The following PAX5 variants were observed in gnomAD, a reference collection of about 807,000 sequenced individuals.
PAX5 encodes the protein paired box protein Pax-5.
Under a neutral mutation model 43.7 loss-of-function variants are expected in PAX5, and 9 were observed. The observed-to-expected ratio is 0.21, with a 90% CI of 0.12 to 0.36. The LOEUF (loss-of-function observed/expected upper bound fraction) is 0.36. Ranked by LOEUF, PAX5 falls within the 10% of genes least tolerant of loss-of-function variation. The pLI is 1.00. For missense variants in PAX5, 383 were observed against 532.7 expected (o/e 0.72, Z 2.77); for synonymous variants, 228 against 214.3 (o/e 1.06, Z -0.56).
intron 5 of PAX5, among the ~76,000 whole-genome samples, chr9:36,999,814 TCTC>T (rs1837697174): frequency 6.6e-6 from 1 of 152,064 alleles, no homozygotes. Flanking sequence ...CTTTCTCTGC[TCTC>T]CTCCAACCTC....
chr9:36,925,378 G>C (rs902959294), intron 6 of PAX5, among the ~76,000 whole-genome samples: 8 of 152,142 alleles, frequency 5.3e-5, no homozygotes, highest in Non-Finnish European at 1.0e-4. Context: ...CAAGGCCAGG[G>C]GGACAGGCTT....
At chr9:37,033,910 G>T in intron 1 of PAX5, 76 bp downstream of exon 1, 2 of 1,372,080 alleles carry the variant, frequency 1.5e-6, no homozygotes, top group South Asian at 2.4e-5. Context: ...TCCTCCTCCA[G>T]GGTCACCCTG....
At chr9:36,849,035 C>T (rs1240316505) in intron 8 of PAX5, among the ~76,000 whole-genome samples, 2 of 152,200 alleles carry the variant, frequency 1.3e-5, no homozygotes, top group African/African-American at 4.8e-5. Context: ...TCTGGGAAGC[C>T]CCTCTCCCAC....
intron 5 of PAX5, among the ~76,000 whole-genome samples, chr9:36,969,585 C>T (rs1463344286): frequency 6.6e-6 from 1 of 152,252 alleles, no homozygotes; most frequent in South Asian, 2.1e-4. Context: ...CAGGCAGCCT[C>T]GCTGGACACG....
In PAX5 at chr9:36,833,342, C is replaced by G. The variant is rs996850109; in HGVS notation, c.*7218G>C. On this transcript the variant is annotated 3_prime_UTR_variant, in exon 10 of 10. Transcript: ENST00000358127. ...ATGGCAAATATTTACAAATAATTAT[C>G]TCACATAAAGGTTACATAAAATCAA... The G allele has an allele frequency of 8.6e-6, 2 of 232,818 alleles. No homozygotes were observed. Among genetic ancestry groups the G allele is most frequent in the Non-Finnish European group, 1.7e-5 (2 of 117,910 alleles). The allele number at this position is 232,818 out of a possible 1,614,324, so 14.4% of individuals were successfully genotyped here. A position where few individuals can be genotyped will look rare whatever the true frequency, so the allele number is the denominator to read the frequency against.
At chr9:36,993,716 G>T (rs1434114711) in intron 5 of PAX5, among the ~76,000 whole-genome samples, 2 of 152,142 alleles carry the variant, frequency 1.3e-5, no homozygotes, top group Non-Finnish European at 2.9e-5. Flanking sequence ...GGTGGAGAAA[G>T]CCAAGGCCAT....
At chr9:36,926,031 C>T (rs3780151) in intron 6 of PAX5, among the ~76,000 whole-genome samples, 81,286 of 152,088 alleles carry the variant, frequency 0.53, 21,835 homozygotes, top group East Asian at 0.74. Flanking sequence ...GCTGTACTAT[C>T]CCATTTAATC....
rs765500674 is a variant in PAX5, at chr9:36,838,099, A to T, written c.*2461T>A. 4.3e-5 allele frequency: 10 copies of T among 233,296 alleles called. No individual in the cohort carries two copies. The highest frequency in any genetic ancestry group is 3.9e-4 in the Admixed American group (7 of 17,790). 14.5% of individuals were successfully genotyped at this position (233,296 alleles called of 1,614,324 possible). On this transcript the variant is annotated 3_prime_UTR_variant, in exon 10 of 10. Coordinates refer to ENST00000358127, the MANE Select transcript of PAX5 (RefSeq NM_016734.3). The stretch of plus-strand genomic sequence containing the variant: ...AACATACCTTCTCCTACCTTACCTG[A>T]CAGGTGGAAGCTGCAGCCAGCTCAC...
At chr9:37,006,429 G>T (rs747001998) in intron 4 of PAX5, 44 bp downstream of exon 4, 23 of 1,350,644 alleles carry the variant, frequency 1.7e-5, no homozygotes, top group East Asian at 1.4e-4. Context: ...TAGAATATTT[G>T]GAGCCCATTA....
chr9:36,852,350 A>G (rs1248152964), intron 8 of PAX5, among the ~76,000 whole-genome samples: 1 of 152,200 alleles, frequency 6.6e-6, no homozygotes, highest in Non-Finnish European at 1.5e-5. Flanking sequence ...CATACTCAAC[A>G]TGCCCTTGTG....
chr9:36,886,071 TG>T (rs993985343), intron 7 of PAX5, among the ~76,000 whole-genome samples: 10 of 152,006 alleles, frequency 6.6e-5, no homozygotes, highest in African/African-American at 2.4e-4. Flanking sequence ...GAATATGTCC[TG>T]GCTAGCCTGC....
chr9:37,029,925 T>C (rs372847409), intron 1 of PAX5, among the ~76,000 whole-genome samples: 131 of 152,270 alleles, frequency 8.6e-4, no homozygotes, highest in African/African-American at 3.1e-3. Context: ...GCTGGAAACC[T>C]TTCTCAAAAG....
chr9:36,863,701 C>A (rs1824462680), intron 8 of PAX5, among the ~76,000 whole-genome samples: 1 of 151,672 alleles, frequency 6.6e-6, no homozygotes. Context: ...CAAGCCGATG[C>A]CTCCACTTCC....
chr9:36,876,247 C>T (rs566903086), intron 8 of PAX5, among the ~76,000 whole-genome samples: 6 of 152,338 alleles, frequency 3.9e-5, no homozygotes, highest in African/African-American at 1.2e-4. Flanking sequence ...ACTGCACCCT[C>T]ACCTCCTACT....
intron 1 of PAX5, 73 bp downstream of exon 1, chr9:37,033,913 T>C: frequency 4.2e-6 from 6 of 1,427,522 alleles, no homozygotes; most frequent in Non-Finnish European, 4.9e-6. Flanking sequence ...TCCTCCAGGG[T>C]CACCCTGCGT....
intron 6 of PAX5, among the ~76,000 whole-genome samples, chr9:36,932,308 T>A (rs1180402639): frequency 1.3e-5 from 2 of 152,190 alleles, no homozygotes; most frequent in African/African-American, 2.4e-5. Flanking sequence ...CATTCTAGAA[T>A]ATTTACAGGT....
In PAX5 at chr9:37,015,338, C is replaced by T; in HGVS notation, c.213-144G>A. Reference sequence around the variant, plus strand: ...CCACCAGCCAGATGCGGCTTTTGAACATTTGAAATATGGCTAGTCTGAATC... The same window carrying T: ...CCACCAGCCAGATGCGGCTTTTGAATATTTGAAATATGGCTAGTCTGAATC... On this transcript the variant is annotated intron_variant, in intron 2 of 9. Transcript: ENST00000358127. The surrounding 1 kb of genome is among the most constrained non-coding windows in gnomAD (Gnocchi z 4.4). The T allele has an allele frequency of 1.5e-6, 1 of 665,028 alleles. No homozygotes were observed. The highest frequency in any genetic ancestry group is 2.6e-6 in the Non-Finnish European group (1 of 382,756). The allele number at this position is 665,028 out of a possible 1,614,324, so 41.2% of individuals were successfully genotyped here.
intron 2 of PAX5, among the ~76,000 whole-genome samples, chr9:37,019,428 G>C (rs1336520881): frequency 6.6e-6 from 1 of 152,168 alleles, no homozygotes; most frequent in Non-Finnish European, 1.5e-5. Flanking sequence ...GATGCGGAAT[G>C]AACCCTGGGA....
chr9:36,860,257 A>G (rs1367090703), intron 8 of PAX5, among the ~76,000 whole-genome samples: 1 of 152,028 alleles, frequency 6.6e-6, no homozygotes, highest in Non-Finnish European at 1.5e-5. Flanking sequence ...GAATCACTTG[A>G]ACCCAGGAGG....
Sources: allele counts gnomAD v4.1 joint callset (sites outside exome capture counted in the v4.1 genomes callset), GRCh38; gene constraint gnomAD v4.1.1; non-coding constraint Gnocchi (gnomAD v3.1); transcripts MANE v1.5; gene names NCBI Gene and HGNC (gene_info 2026-07-23, HGNC 2026-07-21).